PPP1R9A: variants seen among roughly 807,000 people sequenced by gnomAD.
The protein encoded by PPP1R9A is neurabin-1.
In PPP1R9A, 59 loss-of-function variants were observed where a neutral mutation model predicts 141.9. The ratio of observed to expected loss-of-function variants is 0.42; its 90% CI spans 0.34 to 0.52. The LOEUF is 0.52. PPP1R9A is among the 20% of genes least tolerant of loss of function. The pLI, the probability that PPP1R9A is intolerant of heterozygous loss-of-function variation, is 0.10. For synonymous variants in PPP1R9A, 500 were observed against 569.7 expected (o/e 0.88, Z 1.74); for missense variants, 1,444 against 1,611.9 (o/e 0.90, Z 1.78).
At chr7:95,091,975 C>T (rs1018110243) in intron 2 of PPP1R9A, among the ~76,000 whole-genome samples, 3 of 151,836 alleles carry the variant, frequency 2.0e-5, no homozygotes, top group Non-Finnish European at 4.4e-5. Context: ...AGTTGACTGA[C>T]CTGCCAAAAA....
At chr7:95,008,462 T>A (rs1010516466) in intron 2 of PPP1R9A, among the ~76,000 whole-genome samples, 10 of 152,194 alleles carry the variant, frequency 6.6e-5, no homozygotes, top group Admixed American at 3.9e-4. Context: ...AAGAGTAGGC[T>A]AAGTTGCAGT....
chr7:95,100,567 T>G (rs2152395565), intron 2 of PPP1R9A, among the ~76,000 whole-genome samples: 1 of 152,304 alleles, frequency 6.6e-6, no homozygotes, highest in South Asian at 2.1e-4. Context: ...TTCTGAAAAC[T>G]ATCCCTCTTT....
intron 2 of PPP1R9A, among the ~76,000 whole-genome samples, chr7:95,061,929 A>G (rs919482818): frequency 1.3e-5 from 2 of 152,242 alleles, no homozygotes; most frequent in African/African-American, 4.8e-5. Context: ...TGCTGAAAAT[A>G]TCTTAGTGAC....
chr7:95,194,098 C>G (rs1346427286), intron 5 of PPP1R9A, among the ~76,000 whole-genome samples: 1 of 152,008 alleles, frequency 6.6e-6, no homozygotes, highest in Non-Finnish European at 1.5e-5. Flanking sequence ...CTGTCAAATG[C>G]TACTCTATGA....
intron 2 of PPP1R9A, among the ~76,000 whole-genome samples, chr7:95,054,955 A>G (rs1811318019): frequency 6.6e-6 from 1 of 152,190 alleles, no homozygotes; most frequent in South Asian, 2.1e-4. Flanking sequence ...AACTATTTTA[A>G]CTTACGTGAT....
chr7:94,926,897 A>G (rs1388869192), intron 2 of PPP1R9A, among the ~76,000 whole-genome samples: 3 of 152,146 alleles, frequency 2.0e-5, no homozygotes. Flanking sequence ...GTGACTTGTA[A>G]TTAGTAATAA....
intron 2 of PPP1R9A, among the ~76,000 whole-genome samples, chr7:94,945,636 A>G (rs1795815804): frequency 6.6e-6 from 1 of 152,098 alleles, no homozygotes; most frequent in Non-Finnish European, 1.5e-5. Context: ...AATAGGCTAA[A>G]TATTTATGAA....
Position 95,273,917 on chromosome 7 carries a change from A to T in PPP1R9A, c.3143A>T (p.Lys1048Ile). The T allele has an allele frequency of 6.6e-7, 1 of 1,503,918 alleles. No individual in the cohort carries two copies. The highest frequency in any genetic ancestry group is 1.4e-5 in the African/African-American group (1 of 72,828). 93.2% of individuals were successfully genotyped at this position (1,503,918 alleles called of 1,614,324 possible). A position where few individuals can be genotyped will look rare whatever the true frequency, so the allele number is the denominator to read the frequency against. ...ATCCTAGATGATGCCAAAGATCCCA[A>T]ATCACTAAGGGCATCCAGTTCATTG... ...LREKDDAKDP[K>I]SLRASSSLAV... Residue 1048 changes from lysine (K) to isoleucine (I), a missense_variant, in exon 15 of 20, where the codon AAA becomes ATA. Around this residue, in one of 5 missense-constraint regions of PPP1R9A, gnomAD observed 459 missense variants for 513.8 expected, o/e 0.89. Coordinates refer to ENST00000433360, the MANE Select transcript of PPP1R9A (RefSeq NM_001166160.2).
chr7:95,121,992 C>T (rs942098569), intron 4 of PPP1R9A, among the ~76,000 whole-genome samples: 1 of 152,068 alleles, frequency 6.6e-6, no homozygotes, highest in Non-Finnish European at 1.5e-5. Flanking sequence ...TATACGACTG[C>T]TAAATTCAAA....
intron 18 of PPP1R9A, 134 bp from the exon 19 acceptor site, chr7:95,288,402 A>C: frequency 7.8e-7 from 1 of 1,288,976 alleles, no homozygotes. Flanking sequence ...TAACACCACT[A>C]GAACCATTAG....
At chr7:94,950,572 A>T (rs532764426) in intron 2 of PPP1R9A, among the ~76,000 whole-genome samples, 1 of 152,014 alleles carries the variant, frequency 6.6e-6, no homozygotes, top group African/African-American at 2.4e-5. Flanking sequence ...TAAATTTGAG[A>T]GAATGTTTAA....
chr7:95,017,622 G>A (rs1486864353), intron 2 of PPP1R9A, among the ~76,000 whole-genome samples: 2 of 152,114 alleles, frequency 1.3e-5, no homozygotes, highest in African/African-American at 4.8e-5. Context: ...TAAAAACTAT[G>A]TGGAAGTTAA....
chr7:95,078,512 G>A (rs901111344), intron 2 of PPP1R9A, among the ~76,000 whole-genome samples: 2 of 151,772 alleles, frequency 1.3e-5, no homozygotes, highest in African/African-American at 4.8e-5. Context: ...GGGATGGCTG[G>A]GTCAAATGGT....
At chr7:95,183,466 T>C (rs1290365193) in intron 5 of PPP1R9A, among the ~76,000 whole-genome samples, 6 of 149,404 alleles carry the variant, frequency 4.0e-5, no homozygotes, top group Non-Finnish European at 8.9e-5. Flanking sequence ...TTTTTTTTTT[T>C]TTGAGACAGA....
At chr7:95,250,381 T>C in intron 10 of PPP1R9A, 126 bp downstream of exon 10, 1 of 798,260 alleles carries the variant, frequency 1.3e-6, no homozygotes, top group Non-Finnish European at 1.9e-6. Flanking sequence ...TCCAGGAGCA[T>C]AGTTACAGCA....
rs557431324 is a variant in PPP1R9A, at chr7:95,079,890, C to A, written c.1396-31369C>A. Reference sequence around the variant, plus strand: ...AAAGGCCTTTGACAAAATTCAACAACGCTTCATGCTAAAAACTCAATAAAT... The same window carrying A: ...AAAGGCCTTTGACAAAATTCAACAAAGCTTCATGCTAAAAACTCAATAAAT... On this transcript the variant is annotated intron_variant, in intron 2 of 19. Transcript: ENST00000433360. 4.6e-5 allele frequency among the ~76,000 whole-genome samples: 7 copies of A among 152,188 alleles called. No individual in the cohort carries two copies. The East Asian group carries it at 1.2e-3, about 25-fold the overall frequency.
chr7:94,995,045 A>G (rs28830597), intron 2 of PPP1R9A, among the ~76,000 whole-genome samples: 11,052 of 152,226 alleles, frequency 0.073, 532 homozygotes, highest in African/African-American at 0.14. Flanking sequence ...GAATTCTTCC[A>G]GCTTTTATGT....
At chr7:95,142,665 A>G (rs1826915017) in intron 4 of PPP1R9A, among the ~76,000 whole-genome samples, 1 of 152,136 alleles carries the variant, frequency 6.6e-6, no homozygotes, top group Non-Finnish European at 1.5e-5. Context: ...TCTGTTGATC[A>G]TAAATATAAG....
intron 2 of PPP1R9A, among the ~76,000 whole-genome samples, chr7:95,011,381 G>C (rs1804394559): frequency 1.3e-5 from 2 of 151,922 alleles, no homozygotes; most frequent in South Asian, 4.2e-4. Context: ...CTGATTGTAG[G>C]GGGAAATAAT....
Sources: gnomAD v4.1 joint callset for allele counts (sites outside exome capture counted in the v4.1 genomes callset) on GRCh38, gnomAD v4.1.1 for gene constraint, gnomAD v4.1.1 regional missense constraint, MANE v1.5 for transcripts, NCBI Gene and HGNC (gene_info 2026-07-23, HGNC 2026-07-21) for gene names.